ABCA12: variants seen among roughly 807,000 people sequenced by gnomAD.
The protein encoded by ABCA12 is glucosylceramide transporter ABCA12.
Under a neutral mutation model 293.5 loss-of-function variants are expected in ABCA12, and 156 were observed. The observed-to-expected ratio is 0.53, with a 90% CI of 0.47 to 0.61. ABCA12 has a LOEUF of 0.61. Ranked by LOEUF, ABCA12 falls within the 20% of genes least tolerant of loss-of-function variation. The pLI is 0.00. For missense variants in ABCA12, 2,797 were observed against 3,090.2 expected, an observed-to-expected ratio of 0.91 and a Z score of 2.25; for synonymous variants, 1,063 against 1,108.0, an observed-to-expected ratio of 0.96 and a Z score of 0.81.
In ABCA12 at chr2:215,011,867, T is replaced by G; in HGVS notation, c.2121+104A>C. 2.3e-6 allele frequency: 3 copies of G among 1,299,428 alleles called. No individual in the cohort carries two copies. In the South Asian group the frequency reaches 3.9e-5, roughly 17 times the overall value. 80.5% of individuals were successfully genotyped at this position (1,299,428 alleles called of 1,614,324 possible). On this transcript the variant is annotated intron_variant, in intron 16 of 52. Coordinates refer to ENST00000272895, the MANE Select transcript of ABCA12 (RefSeq NM_173076.3). ...AGAAGAGTTTTCTTGTAGGTGTTGTTTTTTTTTTTTTCAATGTACTACGAT... is the reference window on the plus strand; with the variant it reads ...AGAAGAGTTTTCTTGTAGGTGTTGTGTTTTTTTTTTTCAATGTACTACGAT...
At chr2:214,958,650 G>A (rs1699025511) in intron 40 of ABCA12, among the ~76,000 whole-genome samples, 196 bp from the exon 41 acceptor site, 1 of 152,130 alleles carries the variant, frequency 6.6e-6, no homozygotes, top group Non-Finnish European at 1.5e-5. Context: ...TAGTTCTAGT[G>A]CATCTGAATT....
At chr2:214,979,372 C>T (rs984127482) in intron 31 of ABCA12, among the ~76,000 whole-genome samples, 3 of 152,110 alleles carry the variant, frequency 2.0e-5, no homozygotes, top group Non-Finnish European at 2.9e-5. Flanking sequence ...CTCCAGATAG[C>T]GATGTGTCCC....
rs147730071 is a variant in ABCA12, at chr2:215,010,394, A to G, written c.2409T>C (p.Pro803=). 2 of 1,613,898 alleles carry G rather than the reference A, an allele frequency of 1.2e-6. No homozygotes were observed. The highest frequency in any genetic ancestry group is 2.2e-5 in the East Asian group (1 of 44,862). Residue 803 remains proline (P), a synonymous_variant, in exon 18 of 53, where the codon CCT becomes CCC. Coordinates refer to ENST00000272895, the MANE Select transcript of ABCA12 (RefSeq NM_173076.3). ...AGPVIWAFLK[P]MLLGRILYAP... ...CATACAAAATTCTTCCCAACAACAT[A>G]GGTTTCAAGAAAGCCCAAATCACAG... is the stretch of plus-strand genomic sequence containing the variant.
chr2:215,040,878 CA>C (rs996887689), intron 7 of ABCA12, among the ~76,000 whole-genome samples: 31 of 151,288 alleles, frequency 2.0e-4, no homozygotes, highest in Admixed American at 4.6e-4. Flanking sequence ...ATTTCTTCTA[CA>C]AAAAAAAGGG....
intron 7 of ABCA12, among the ~76,000 whole-genome samples, 159 bp from the exon 8 acceptor site, chr2:215,037,224 A>G (rs543468353): frequency 6.6e-6 from 1 of 152,216 alleles, no homozygotes; most frequent in Non-Finnish European, 1.5e-5. Context: ...TTGTCTGTTC[A>G]TGCACAAAAT....
chr2:214,939,844 A>G (rs894700162), intron 50 of ABCA12, among the ~76,000 whole-genome samples: 4 of 152,224 alleles, frequency 2.6e-5, no homozygotes, highest in Admixed American at 1.3e-4. Flanking sequence ...GTTGCTTATC[A>G]GCTTAAGGGG....
intron 48 of ABCA12, among the ~76,000 whole-genome samples, chr2:214,946,149 A>G (rs1419782687): frequency 6.6e-6 from 1 of 152,206 alleles, no homozygotes; most frequent in Non-Finnish European, 1.5e-5. Context: ...TGATCATTAC[A>G]TATTGTATAC....
intron 5 of ABCA12, 119 bp from the exon 6 acceptor site, chr2:215,049,930 T>C (rs1336440728): frequency 6.0e-6 from 5 of 831,786 alleles, no homozygotes; most frequent in Non-Finnish European, 7.8e-6. Flanking sequence ...TCCTCCATTA[T>C]AGCAGCTATT....
At position 214,990,772 on chromosome 2, in the gene ABCA12, A is replaced by G; in HGVS notation, c.3554T>C (p.Ile1185Thr). ...CAGAACAATAAATGGAAAGAAGGCA[A>G]TGATGTAGATGAGGCTTCCGATCAG... ...AALIGSLIYI[I>T]AFFPFIVLVT... Residue 1185 changes from isoleucine to threonine, a missense_variant, in exon 24 of 53, where the codon ATT becomes ACT. Physicochemically the swap from Ile to Thr is moderately conservative, Grantham distance 89. Around this residue, in one of 3 missense-constraint regions of ABCA12, gnomAD observed 2,130 missense variants for 2,427.0 expected, o/e 0.88. Coordinates refer to ENST00000272895, the MANE Select transcript of ABCA12 (RefSeq NM_173076.3). The G allele has an allele frequency of 1.9e-6, 3 of 1,614,170 alleles. No homozygotes were observed. The highest frequency in any genetic ancestry group is 1.6e-4 in the Middle Eastern group (1 of 6,062).
At chr2:215,032,781 A>G (rs1205740808) in intron 8 of ABCA12, among the ~76,000 whole-genome samples, 2 of 152,182 alleles carry the variant, frequency 1.3e-5, no homozygotes, top group African/African-American at 4.8e-5. Context: ...GTATGTCTCA[A>G]TGCTGTCATT....
intron 6 of ABCA12, among the ~76,000 whole-genome samples, chr2:215,048,154 A>G (rs749738297): frequency 2.6e-5 from 4 of 152,152 alleles, no homozygotes; most frequent in Admixed American, 2.0e-4. Context: ...GCTATTAAAA[A>G]GTCAAAAAAT....
chr2:215,067,805 G>A (rs547288223), intron 2 of ABCA12, among the ~76,000 whole-genome samples: 49 of 152,204 alleles, frequency 3.2e-4, no homozygotes, highest in African/African-American at 4.6e-4. Flanking sequence ...CACAGTCCAC[G>A]TTATTTCAAG....
At chr2:215,100,791 G>T (rs1009547967) in intron 2 of ABCA12, among the ~76,000 whole-genome samples, 1 of 151,970 alleles carries the variant, frequency 6.6e-6, no homozygotes, top group South Asian at 2.1e-4. Flanking sequence ...TCCACATAGG[G>T]CAGCAATTTC....
chr2:215,038,242 CTAATAATTCTATAAAATCTATTTATTT>C (rs1192964086), intron 7 of ABCA12, among the ~76,000 whole-genome samples: 1 of 151,982 alleles, frequency 6.6e-6, no homozygotes. Flanking sequence ...ATTTAGTTTT[CTAATAATTCTATAAAATCTATTTATTT>C]GTCCAGTTTT....
chr2:215,115,744 T>G (rs1026244326), intron 1 of ABCA12, among the ~76,000 whole-genome samples: 1 of 152,224 alleles, frequency 6.6e-6, no homozygotes, highest in Admixed American at 6.5e-5. Context: ...CTTCTTTTCC[T>G]GAAAAATTCA....
At chr2:215,036,095 C>G (rs1700985829) in intron 8 of ABCA12, among the ~76,000 whole-genome samples, 1 of 152,080 alleles carries the variant, frequency 6.6e-6, no homozygotes, top group African/African-American at 2.4e-5. Flanking sequence ...AATTTAATAA[C>G]AGTCAATCCT....
chr2:215,085,059 A>T (rs2106099251), intron 2 of ABCA12, among the ~76,000 whole-genome samples: 1 of 142,144 alleles, frequency 7.0e-6, no homozygotes, highest in East Asian at 2.0e-4. Context: ...ATGCCACTGC[A>T]CTCCAGCCTG....
At chr2:215,082,200 G>A (rs980606085) in intron 2 of ABCA12, among the ~76,000 whole-genome samples, 24 of 151,336 alleles carry the variant, frequency 1.6e-4, no homozygotes, top group Admixed American at 1.3e-3. Context: ...GCCCGCCACC[G>A]TGCCCAGCTA....
At chr2:215,067,277 CCTCT>C (rs1701656935) in intron 2 of ABCA12, among the ~76,000 whole-genome samples, 1 of 151,960 alleles carries the variant, frequency 6.6e-6, no homozygotes, top group Non-Finnish European at 1.5e-5. Context: ...AAAAGAGAAG[CCTCT>C]CTCTTTCTTT....
Sources: allele counts gnomAD v4.1 joint callset (sites outside exome capture counted in the v4.1 genomes callset), GRCh38; gene constraint gnomAD v4.1.1; regional missense constraint gnomAD v4.1.1; transcripts MANE v1.5; gene names NCBI Gene and HGNC (gene_info 2026-07-23, HGNC 2026-07-21).